SPATS2: variants seen among roughly 807,000 people sequenced by gnomAD.
SPATS2 encodes spermatogenesis-associated serine-rich protein 2.
SPATS2 carries 38 observed loss-of-function variants against 63.7 expected under a neutral mutation model. The ratio of observed to expected loss-of-function variants is 0.60; its 90% CI spans 0.46 to 0.78. The LOEUF (loss-of-function observed/expected upper bound fraction) is 0.78, where lower values mean the gene tolerates loss of function less well. SPATS2 is among the 30% of genes least tolerant of loss of function. The pLI is 0.00. For missense variants in SPATS2, 588 were observed against 666.2 expected (o/e 0.88, Z 1.29); for synonymous variants, 207 against 232.9 (o/e 0.89, Z 1.01).
chr12:49,415,086 C>T (rs1944866299), intron 2 of SPATS2, among the ~76,000 whole-genome samples: 1 of 151,734 alleles, frequency 6.6e-6, no homozygotes, highest in South Asian at 2.1e-4. Context: ...CGTGCCACCA[C>T]GCCCAGCTAA....
At chr12:49,484,026 C>T (rs1490354595) in intron 3 of SPATS2, among the ~76,000 whole-genome samples, 1 of 152,122 alleles carries the variant, frequency 6.6e-6, no homozygotes, top group African/African-American at 2.4e-5. Flanking sequence ...ACAGAGAAAC[C>T]AGAATCTTTT....
Position 49,494,829 on chromosome 12 carries a change from A to C in SPATS2, c.353A>C (p.Glu118Ala). 1 of 1,613,880 alleles carries C rather than the reference A, an allele frequency of 6.2e-7. No individual in the cohort carries two copies. Among genetic ancestry groups the C allele is most frequent in the South Asian group, 1.1e-5 (1 of 91,022 alleles). The part of the protein sequence containing the change: ...DSSKSVSIQE[E>A]QSAPSSEKGG... ...AGTAAATCAGTTTCCATTCAAGAGG[A>C]ACAGTCTGCGCCTTCCTCAGAGAAA... Residue 118 changes from glutamate to alanine, a missense_variant, in exon 7 of 14, where the codon GAA becomes GCA. By Grantham distance (107) the Glu-to-Ala change is moderately radical. Transcript: ENST00000552918.
chr12:49,496,304 G>T (rs895443620), intron 7 of SPATS2, among the ~76,000 whole-genome samples: 1 of 152,022 alleles, frequency 6.6e-6, no homozygotes, highest in Non-Finnish European at 1.5e-5. Context: ...TGAGAGACCT[G>T]GTCTCTCTCT....
chr12:49,396,630 G>A (rs777119533), intron 2 of SPATS2, among the ~76,000 whole-genome samples: 9 of 152,228 alleles, frequency 5.9e-5, no homozygotes, highest in Non-Finnish European at 2.9e-5. Flanking sequence ...TCACATCTGT[G>A]AATGGTGCAG....
intron 3 of SPATS2, among the ~76,000 whole-genome samples, chr12:49,469,253 G>A (rs1350919395): frequency 2.0e-5 from 3 of 151,324 alleles, no homozygotes; most frequent in Non-Finnish European, 1.5e-5. Flanking sequence ...AGCTGGGCGT[G>A]GTGGCAGGCG....
chr12:49,379,771 C>T (rs1443098549), intron 2 of SPATS2, among the ~76,000 whole-genome samples: 6 of 151,664 alleles, frequency 4.0e-5, no homozygotes, highest in Non-Finnish European at 5.9e-5. Flanking sequence ...TACAGGCACA[C>T]GCCACCACAC....
intron 11 of SPATS2, among the ~76,000 whole-genome samples, chr12:49,521,957 G>A (rs1489386594): frequency 6.6e-6 from 1 of 151,726 alleles, no homozygotes; most frequent in Non-Finnish European, 1.5e-5. Flanking sequence ...TAAGAGGAGT[G>A]CTCTGAGGGG....
intron 2 of SPATS2, among the ~76,000 whole-genome samples, chr12:49,457,520 G>A (rs1308197012): frequency 1.3e-5 from 2 of 151,560 alleles, no homozygotes; most frequent in East Asian, 1.9e-4. Context: ...TGCAACCTCC[G>A]CCTCCCGGGT....
At chr12:49,490,635 C>A in intron 5 of SPATS2, 47 bp from the exon 6 acceptor site, 1 of 1,556,064 alleles carries the variant, frequency 6.4e-7, no homozygotes, top group Admixed American at 1.7e-5. Flanking sequence ...TGCTTGACTA[C>A]TGTGTGTGTG....
At chr12:49,377,039 C>T (rs1944119560) in intron 2 of SPATS2, among the ~76,000 whole-genome samples, 1 of 152,126 alleles carries the variant, frequency 6.6e-6, no homozygotes, top group Non-Finnish European at 1.5e-5. Context: ...ATCTTATCAG[C>T]ACACAGGAGG....
intron 9 of SPATS2, among the ~76,000 whole-genome samples, chr12:49,512,010 C>T (rs1946761517): frequency 6.6e-6 from 1 of 152,162 alleles, no homozygotes. Flanking sequence ...TGACATGTCA[C>T]CCCTAAATGC....
chr12:49,396,524 A>T (rs757974313), intron 2 of SPATS2, among the ~76,000 whole-genome samples: 25 of 152,148 alleles, frequency 1.6e-4, no homozygotes, highest in Non-Finnish European at 3.1e-4. Context: ...CTTTGCTTCT[A>T]CTATGGTACT....
intron 2 of SPATS2, among the ~76,000 whole-genome samples, chr12:49,380,157 T>G (rs544909524): frequency 1.3e-5 from 2 of 151,344 alleles, no homozygotes; most frequent in East Asian, 3.9e-4. Flanking sequence ...TCAACCTCAT[T>G]CCTCTCTCTC....
Position 49,490,686 on chromosome 12 carries a change from T to C in SPATS2, c.219T>C (p.Ser73=). The change falls in exon 6 of 14, where the codon AGT becomes AGC. Residue 73 remains serine (S), a synonymous_variant. Coordinates refer to ENST00000552918, the MANE Select transcript of SPATS2 (RefSeq NM_023071.4). ...DKTVQAFMEG[S]ASEVLKEWTV... The stretch of plus-strand genomic sequence containing the variant: ...TGTAATTGGTTTCTCTTACAGGTAG[T>C]GCCAGTGAAGTACTCAAAGAATGGA... 6.2e-7 allele frequency: 1 copy of C among 1,613,938 alleles called. No individual in the cohort carries two copies. The highest frequency in any genetic ancestry group is 2.2e-5 in the East Asian group (1 of 44,866).
chr12:49,490,755 C>G (rs1387490495), intron 6 of SPATS2, 24 bp downstream of exon 6: 25 of 1,607,142 alleles, frequency 1.6e-5, no homozygotes, highest in Middle Eastern at 1.7e-4. Context: ...CATTTAAAAG[C>G]ATGATGATGT....
intron 3 of SPATS2, chr12:49,469,529 T>C: frequency 2.5e-6 from 1 of 399,744 alleles, no homozygotes; most frequent in East Asian, 7.4e-5. Flanking sequence ...CACTGCACTA[T>C]GGGCTGGGTC....
At chr12:49,410,291 G>A (rs1944775043) in intron 2 of SPATS2, among the ~76,000 whole-genome samples, 1 of 152,056 alleles carries the variant, frequency 6.6e-6, no homozygotes, top group Admixed American at 6.5e-5. Context: ...GGCCATGCTG[G>A]TCTCGAACTC....
At chr12:49,387,456 G>A (rs978139185) in intron 2 of SPATS2, among the ~76,000 whole-genome samples, 1 of 151,696 alleles carries the variant, frequency 6.6e-6, no homozygotes. Flanking sequence ...GACCAACTTG[G>A]TGAAAACCCA....
chr12:49,463,853 T>C (rs1040495090), intron 3 of SPATS2, among the ~76,000 whole-genome samples: 4 of 152,236 alleles, frequency 2.6e-5, no homozygotes, highest in Non-Finnish European at 5.9e-5. Context: ...AAATTCCTTA[T>C]TTAATGAAAT....
Sources: gnomAD v4.1 joint callset for allele counts (sites outside exome capture counted in the v4.1 genomes callset) on GRCh38, gnomAD v4.1.1 for gene constraint, MANE v1.5 for transcripts, NCBI Gene and HGNC (gene_info 2026-07-23, HGNC 2026-07-21) for gene names.